KCND3: variants seen among roughly 807,000 people sequenced by gnomAD.
KCND3 encodes A-type voltage-gated potassium channel KCND3.
In KCND3, 9 loss-of-function variants were observed where a neutral mutation model predicts 51.1. That is an observed-to-expected ratio of 0.18 (90% confidence interval 0.11 to 0.31). The LOEUF is 0.31. KCND3 is among the 10% of genes least tolerant of loss of function. The probability of loss-of-function intolerance (pLI) is 1.00; values close to 1 mark genes in which losing one functional copy is unlikely to be tolerated. For missense variants in KCND3, 526 were observed against 903.8 expected, an observed-to-expected ratio of 0.58 and a Z score of 5.36; for synonymous variants, 349 against 368.0, an observed-to-expected ratio of 0.95 and a Z score of 0.59.
At chr1:111,810,204 C>T (rs1665787369) in intron 2 of KCND3, among the ~76,000 whole-genome samples, 1 of 152,198 alleles carries the variant, frequency 6.6e-6, no homozygotes, top group Admixed American at 6.5e-5. Flanking sequence ...TGTGGCTCTT[C>T]TCACTTCTGG....
chr1:111,866,318 G>A (rs1285605938), intron 2 of KCND3, among the ~76,000 whole-genome samples: 5 of 139,614 alleles, frequency 3.6e-5, no homozygotes, highest in Non-Finnish European at 4.5e-5. Context: ...TGGATGGAGC[G>A]CAGTGGGGCG....
intron 2 of KCND3, among the ~76,000 whole-genome samples, chr1:111,853,410 G>A (rs984799754): frequency 6.6e-6 from 1 of 152,118 alleles, no homozygotes; most frequent in Non-Finnish European, 1.5e-5. Flanking sequence ...CATAGTGATT[G>A]GGAACCCAGC....
At chr1:111,907,141 T>G (rs1189984949) in intron 2 of KCND3, among the ~76,000 whole-genome samples, 1 of 152,186 alleles carries the variant, frequency 6.6e-6, no homozygotes, top group Non-Finnish European at 1.5e-5. Flanking sequence ...GGGGCACAAG[T>G]GTGCAATAGA....
chr1:111,967,618 C>T (rs1485970933), intron 2 of KCND3, among the ~76,000 whole-genome samples: 4 of 152,236 alleles, frequency 2.6e-5, no homozygotes, highest in Non-Finnish European at 5.9e-5. Flanking sequence ...GACTCTTTAA[C>T]TTCTGCTTCT....
intron 2 of KCND3, among the ~76,000 whole-genome samples, chr1:111,805,720 T>C (rs2618037): frequency 0.76 from 115,578 of 152,162 alleles, 44,066 homozygotes; most frequent in Middle Eastern, 0.79. Flanking sequence ...CGCTGGCCCA[T>C]GTGGCTAGGG....
At chr1:111,887,764 G>C (rs1669634444) in intron 2 of KCND3, among the ~76,000 whole-genome samples, 1 of 152,172 alleles carries the variant, frequency 6.6e-6, no homozygotes, top group Admixed American at 6.5e-5. Context: ...ATATGAGAGG[G>C]AATCACTTCA....
intron 2 of KCND3, among the ~76,000 whole-genome samples, chr1:111,956,048 T>C (rs1018705602): frequency 6.6e-6 from 1 of 152,046 alleles, no homozygotes; most frequent in African/African-American, 2.4e-5. Context: ...TTATTACCTT[T>C]AATTTACAGA....
chr1:111,857,649 G>C (rs763264984), intron 2 of KCND3, among the ~76,000 whole-genome samples: 2 of 151,112 alleles, frequency 1.3e-5, no homozygotes, highest in African/African-American at 4.9e-5. Flanking sequence ...TCCTGTTAGG[G>C]GTACCCAGAG....
At chr1:111,885,776 G>A (rs538397000) in intron 2 of KCND3, among the ~76,000 whole-genome samples, 10 of 152,102 alleles carry the variant, frequency 6.6e-5, no homozygotes, top group South Asian at 6.2e-4. Context: ...GGTTTCAAGC[G>A]ATTCTCCTGC....
intron 2 of KCND3, among the ~76,000 whole-genome samples, chr1:111,975,908 G>T (rs1674600396): frequency 1.3e-5 from 2 of 152,128 alleles, no homozygotes; most frequent in Admixed American, 1.3e-4. Context: ...CATTCCTTCA[G>T]GTCTCTGCTC....
intron 2 of KCND3, among the ~76,000 whole-genome samples, chr1:111,821,932 GA>G (rs1358154034): frequency 6.6e-6 from 1 of 152,100 alleles, no homozygotes; most frequent in Non-Finnish European, 1.5e-5. Context: ...CTGTCCCCCA[GA>G]ACTGTGAGTA....
chr1:111,819,374 G>T (rs1339012294), intron 2 of KCND3, among the ~76,000 whole-genome samples: 2 of 148,672 alleles, frequency 1.3e-5, no homozygotes, highest in Admixed American at 1.3e-4. Flanking sequence ...TTAGAGATGT[G>T]AAGCCAAAAA....
intron 2 of KCND3, among the ~76,000 whole-genome samples, chr1:111,897,345 A>G (rs1359582952): frequency 6.6e-6 from 1 of 152,230 alleles, no homozygotes; most frequent in African/African-American, 2.4e-5. Flanking sequence ...CTCACCCCAG[A>G]AAAATATGGA....
rs1217840488 is a variant in KCND3, at chr1:111,775,973, G to T, written c.*104C>A. On this transcript the variant is annotated 3_prime_UTR_variant, in exon 8 of 8. Coordinates refer to ENST00000302127, the MANE Select transcript of KCND3 (RefSeq NM_001378969.1). ...TGCTAGGGGTACAATGGGGCAGGCA[G>T]AAATAGTGGGGAAAGGGGGGAGGGA... The T allele has an allele frequency of 1.7e-5, 22 of 1,299,510 alleles. 1 individual carries two copies. The highest frequency in any genetic ancestry group is 2.3e-5 in the Non-Finnish European group (21 of 901,072). The allele number at this position is 1,299,510 out of a possible 1,614,324, so 80.5% of individuals were successfully genotyped here.
In KCND3 at chr1:111,843,861, T is replaced by A. The variant is rs560997495; in HGVS notation, c.1107-56755A>T. ...ATGTAGCAATCATTTTATGTTGGCATAAAATGGGGTCTGGGAATGGAGCTT... is the reference window on the plus strand; with the variant it reads ...ATGTAGCAATCATTTTATGTTGGCAAAAAATGGGGTCTGGGAATGGAGCTT... On this transcript the variant is annotated intron_variant, in intron 2 of 7. Transcript: ENST00000302127. Among the ~76,000 whole-genome samples the A allele has an allele frequency of 1.8e-4, 27 of 152,306 alleles. No homozygotes were observed. In the South Asian group the frequency reaches 5.6e-3, roughly 32 times the overall value.
At chr1:111,807,893 C>T (rs1453537270) in intron 2 of KCND3, among the ~76,000 whole-genome samples, 1 of 152,110 alleles carries the variant, frequency 6.6e-6, no homozygotes, top group Non-Finnish European at 1.5e-5. Context: ...CAGACACAGA[C>T]CACCATATTA....
chr1:111,944,757 C>G lies in KCND3; in HGVS notation c.1106+36864G>C, dbSNP rs550589599. ...CTCAGTAAATGTTCTTTTTTGAACA[C>G]GTGAATATATTCCCTGGGGGTGATT... On this transcript the variant is annotated intron_variant, in intron 2 of 7. Transcript: ENST00000302127. 7.9e-5 allele frequency among the ~76,000 whole-genome samples: 12 copies of G among 152,328 alleles called. No individual in the cohort carries two copies. The East Asian group carries it at 2.1e-3, about 27-fold the overall frequency.
intron 2 of KCND3, among the ~76,000 whole-genome samples, chr1:111,944,336 C>T (rs535665372): frequency 1.1e-4 from 16 of 152,200 alleles, no homozygotes; most frequent in South Asian, 4.1e-4. Flanking sequence ...CATTCCACTC[C>T]GATAAACGAA....
At chr1:111,889,638 G>C (rs1669734345) in intron 2 of KCND3, among the ~76,000 whole-genome samples, 1 of 151,938 alleles carries the variant, frequency 6.6e-6, no homozygotes, top group Non-Finnish European at 1.5e-5. Context: ...GTGATTTTGA[G>C]GGCTCCAAAT....
Sources: gnomAD v4.1 joint callset for allele counts (sites outside exome capture counted in the v4.1 genomes callset) on GRCh38, gnomAD v4.1.1 for gene constraint, MANE v1.5 for transcripts, NCBI Gene and HGNC (gene_info 2026-07-23, HGNC 2026-07-21) for gene names.